The following HLF variants were observed in gnomAD, a reference collection of about 807,000 sequenced individuals.
HLF encodes hepatic leukemia factor.
A neutral mutation model predicts 22.6 loss-of-function variants in HLF; 3 were observed. That is an observed-to-expected ratio of 0.13 (90% CI 0.06 to 0.34). The LOEUF is 0.34. Among genes scored for constraint, HLF ranks in the 10% least tolerant of loss-of-function variants. HLF has a pLI of 1.00. For missense variants in HLF, 299 were observed against 389.2 expected (o/e 0.77, Z 1.95); for synonymous variants, 151 against 151.8 (o/e 0.99, Z 0.04).
intron 2 of HLF, among the ~76,000 whole-genome samples, chr17:55,301,470 A>G (rs1027466425): frequency 6.6e-6 from 1 of 152,264 alleles, no homozygotes. Flanking sequence ...ATCTGATAAA[A>G]AAATTATCAG....
chr17:55,275,341 C>CGA (rs2080895753), intron 2 of HLF, among the ~76,000 whole-genome samples: 1 of 152,198 alleles, frequency 6.6e-6, no homozygotes, highest in Non-Finnish European at 1.5e-5. Flanking sequence ...AGCAATCCAC[C>CGA]GACCTTGGCC....
Position 55,289,912 on chromosome 17 carries a change from GA to G in HLF, c.451+21835del, listed in dbSNP as rs1013261583. Among the ~76,000 whole-genome samples, 302 of 151,044 alleles carry G rather than the reference GA, an allele frequency of 2.0e-3. 3 individuals are homozygous for G. The highest frequency in any genetic ancestry group is 7.1e-3 in the African/African-American group (292 of 41,234). ...AATAAGCCTGTTTTCAGCCTAGTTA[GA>G]AAAAAAAAGGCCAGCCTCATTCATT... On this transcript the variant is annotated intron_variant, in intron 2 of 3. Coordinates refer to ENST00000226067, the MANE Select transcript of HLF (RefSeq NM_002126.5).
At chr17:55,277,887 G>C (rs370902988) in intron 2 of HLF, among the ~76,000 whole-genome samples, 1 of 152,212 alleles carries the variant, frequency 6.6e-6, no homozygotes, top group South Asian at 2.1e-4. Context: ...AAATTGGCTT[G>C]TGGTGGGTAC....
chr17:55,290,456 A>G (rs1053296728), intron 2 of HLF, among the ~76,000 whole-genome samples: 4 of 152,124 alleles, frequency 2.6e-5, no homozygotes, highest in African/African-American at 4.8e-5. Flanking sequence ...TATATGTGCT[A>G]TGTTGATCTA....
intron 2 of HLF, among the ~76,000 whole-genome samples, chr17:55,268,653 G>C (rs539884700): frequency 6.6e-6 from 1 of 151,992 alleles, no homozygotes; most frequent in African/African-American, 2.4e-5. Context: ...CTAAAAGCAG[G>C]CTCTCATATT....
intron 2 of HLF, among the ~76,000 whole-genome samples, chr17:55,296,687 A>G (rs2081114318): frequency 6.6e-6 from 1 of 152,192 alleles, no homozygotes; most frequent in Admixed American, 6.5e-5. Flanking sequence ...GTTGGATTCC[A>G]TTCTTTGTAC....
chr17:55,322,977 T>G lies in HLF; in HGVS notation c.*2098T>G. ...ATTTTACGCTAGATTAAAATATCCT[T>G]TCATCAATGGGATTTTCTAGTTTCC... On this transcript the variant is annotated 3_prime_UTR_variant, in exon 4 of 4. Transcript: ENST00000226067. The G allele has an allele frequency of 4.5e-6, 1 of 223,228 alleles. No individual in the cohort carries two copies. Among genetic ancestry groups the G allele is most frequent in the East Asian group, 6.5e-5 (1 of 15,290 alleles). The allele number at this position is 223,228 out of a possible 1,614,324, so 13.8% of individuals were successfully genotyped here.
chr17:55,290,402 A>C (rs2081050210), intron 2 of HLF, among the ~76,000 whole-genome samples: 1 of 152,112 alleles, frequency 6.6e-6, no homozygotes, highest in Non-Finnish European at 1.5e-5. Context: ...TGTCTCTGTC[A>C]TATTGTGGTG....
intron 2 of HLF, among the ~76,000 whole-genome samples, chr17:55,284,644 C>T (rs1403920475): frequency 6.6e-6 from 1 of 152,106 alleles, no homozygotes; most frequent in Non-Finnish European, 1.5e-5. Flanking sequence ...TGACTTCTTC[C>T]AGGACCTTCT....
intron 2 of HLF, among the ~76,000 whole-genome samples, chr17:55,304,156 T>G (rs1239171994): frequency 2.0e-5 from 3 of 152,146 alleles, no homozygotes; most frequent in African/African-American, 7.2e-5. Context: ...TACTCTGGGT[T>G]CATTTCTGGT....
At chr17:55,305,839 C>T (rs993439201) in intron 2 of HLF, among the ~76,000 whole-genome samples, 2 of 152,110 alleles carry the variant, frequency 1.3e-5, no homozygotes, top group African/African-American at 2.4e-5. Flanking sequence ...CTGGGGCATT[C>T]GCATGAAAAA....
Position 55,296,250 on chromosome 17 carries a change from C to T in HLF, c.452-18977C>T, listed in dbSNP as rs182766872. Among the ~76,000 whole-genome samples the T allele has an allele frequency of 4.4e-3, 670 of 152,268 alleles. 4 individuals carry two copies. Among genetic ancestry groups the T allele is most frequent in the Non-Finnish European group, 7.5e-3 (507 of 68,020 alleles). ...CTGTTTCCTCTGGACCAGTCGTTCT[C>T]AATCTTGGCCTCACATGAGAATTAC... is the stretch of plus-strand genomic sequence containing the variant. On this transcript the variant is annotated intron_variant, in intron 2 of 3. Coordinates refer to ENST00000226067, the MANE Select transcript of HLF (RefSeq NM_002126.5).
At chr17:55,270,138 A>G (rs1356887098) in intron 2 of HLF, among the ~76,000 whole-genome samples, 2 of 152,220 alleles carry the variant, frequency 1.3e-5, no homozygotes, top group African/African-American at 4.8e-5. Context: ...CATAGCAAAG[A>G]ACTCCTGAGT....
In HLF at chr17:55,320,886, A is replaced by G; in HGVS notation, c.*7A>G. 1.2e-6 allele frequency: 2 copies of G among 1,605,250 alleles called. No homozygotes were observed. The highest frequency in any genetic ancestry group is 1.7e-6 in the Non-Finnish European group (2 of 1,175,660). On this transcript the variant is annotated 3_prime_UTR_variant, in exon 4 of 4. Coordinates refer to ENST00000226067, the MANE Select transcript of HLF (RefSeq NM_002126.5). This position sits in a 1 kb window ranked among gnomAD's most constrained non-coding sequence, Gnocchi z 4.2. ...CAGGCACGGGCCCCTGTAGGATGGCATTTTTGCAGGCTGGCTTTGGAATAG... is the reference window on the plus strand; with the variant it reads ...CAGGCACGGGCCCCTGTAGGATGGCGTTTTTGCAGGCTGGCTTTGGAATAG...
intron 2 of HLF, among the ~76,000 whole-genome samples, chr17:55,308,875 A>T (rs575098284): frequency 6.6e-6 from 1 of 152,342 alleles, no homozygotes; most frequent in East Asian, 1.9e-4. Context: ...GGCCGGACTC[A>T]CATATCTAGA....
At chr17:55,291,802 TAAA>T (rs911102757) in intron 2 of HLF, among the ~76,000 whole-genome samples, 10 of 152,338 alleles carry the variant, frequency 6.6e-5, no homozygotes, top group African/African-American at 2.4e-4. Context: ...TAGAAGCCGT[TAAA>T]AACATTCATG....
At chr17:55,317,135 T>C (rs956085794) in intron 3 of HLF, among the ~76,000 whole-genome samples, 13 of 151,886 alleles carry the variant, frequency 8.6e-5, no homozygotes, top group Non-Finnish European at 1.6e-4. Context: ...GCCCGGCTAA[T>C]TTTTTGTATT....
chr17:55,294,061 TAAAAG>T (rs1376876360), intron 2 of HLF, among the ~76,000 whole-genome samples: 1 of 152,022 alleles, frequency 6.6e-6, no homozygotes, highest in African/African-American at 2.4e-5. Context: ...ATAACGGTCT[TAAAAG>T]AGAAGCACCA....
chr17:55,308,347 A>G (rs1247163326), intron 2 of HLF, among the ~76,000 whole-genome samples: 1 of 152,228 alleles, frequency 6.6e-6, no homozygotes, highest in Non-Finnish European at 1.5e-5. Flanking sequence ...GTTTATATAG[A>G]GACCATTTAT....
Sources: gnomAD v4.1 joint callset for allele counts (sites outside exome capture counted in the v4.1 genomes callset) on GRCh38, gnomAD v4.1.1 for gene constraint, Gnocchi (gnomAD v3.1) non-coding constraint, MANE v1.5 for transcripts, NCBI Gene and HGNC (gene_info 2026-07-23, HGNC 2026-07-21) for gene names.